USP3: variants seen among roughly 807,000 people sequenced by gnomAD.
USP3 encodes ubiquitin specific peptidase 3.
Under a neutral mutation model 72.3 loss-of-function variants are expected in USP3, and 20 were observed. That is an observed-to-expected ratio of 0.28 (90% CI 0.19 to 0.40). The LOEUF (loss-of-function observed/expected upper bound fraction) is 0.40, where lower values mean the gene tolerates loss of function less well. Ranked by LOEUF, USP3 falls within the 10% of genes least tolerant of loss-of-function variation. The probability of loss-of-function intolerance (pLI) is 1.00; values close to 1 mark genes in which losing one functional copy is unlikely to be tolerated. For missense variants in USP3, 479 were observed against 633.9 expected, an observed-to-expected ratio of 0.76 and a Z score of 2.62; for synonymous variants, 222 against 225.3, an observed-to-expected ratio of 0.99 and a Z score of 0.13.
At chr15:63,513,272 G>T (rs752075599) in intron 1 of USP3, among the ~76,000 whole-genome samples, 3 of 152,206 alleles carry the variant, frequency 2.0e-5, no homozygotes, top group Non-Finnish European at 2.9e-5. Context: ...GAAATTAACT[G>T]TCATATTCCC....
intron 1 of USP3, among the ~76,000 whole-genome samples, chr15:63,526,192 T>G (rs1190673729): frequency 1.3e-5 from 2 of 152,218 alleles, no homozygotes; most frequent in African/African-American, 4.8e-5. Flanking sequence ...TTAAAAAATT[T>G]ATATGCCGGT....
intron 3 of USP3, among the ~76,000 whole-genome samples, chr15:63,540,177 A>G (rs1391495086): frequency 2.0e-5 from 3 of 152,172 alleles, no homozygotes; most frequent in Non-Finnish European, 2.9e-5. Context: ...ACATACTCTG[A>G]GGCTTGCAGT....
chr15:63,557,669 G>A (rs569557980), intron 5 of USP3, among the ~76,000 whole-genome samples: 71 of 152,324 alleles, frequency 4.7e-4, no homozygotes, highest in Admixed American at 1.5e-3. Context: ...TTAGGAAAAC[G>A]TGTATTGGTC....
In USP3 at chr15:63,529,242, A is replaced by C; in HGVS notation, c.92-3405A>C. 2 of 413,006 alleles carry C rather than the reference A, an allele frequency of 4.8e-6. No homozygotes were observed. The highest frequency in any genetic ancestry group is 9.2e-6 in the Non-Finnish European group (2 of 218,168). 25.6% of individuals were successfully genotyped at this position (413,006 alleles called of 1,614,324 possible). ...CACAGTCCATAGTCACTTGTTTCCA[A>C]TGATTTTGGAAGTCAGTACTTTATT... On this transcript the variant is annotated intron_variant, in intron 1 of 14. Coordinates refer to ENST00000380324, the MANE Select transcript of USP3 (RefSeq NM_006537.4). The surrounding 1 kb of genome is among the most constrained non-coding windows in gnomAD (Gnocchi z 4.2).
chr15:63,589,718 CTG>C (rs2067148808), intron 14 of USP3, among the ~76,000 whole-genome samples: 1 of 152,162 alleles, frequency 6.6e-6, no homozygotes, highest in South Asian at 2.1e-4. Context: ...CATTTGTTCT[CTG>C]TACCCCTATT....
intron 1 of USP3, among the ~76,000 whole-genome samples, chr15:63,525,778 A>G (rs186849771): frequency 1.3e-5 from 2 of 152,320 alleles, no homozygotes; most frequent in East Asian, 1.9e-4. Flanking sequence ...CGTCTGGAAT[A>G]TATTTTTACT....
rs531294533 is a variant in USP3 at position 63,559,002 on chromosome 15, CAG to C, written c.533+819_533+820del. 5.3e-5 allele frequency among the ~76,000 whole-genome samples: 8 copies of C among 152,324 alleles called. No individual in the cohort carries two copies. In the East Asian group the frequency reaches 1.5e-3, roughly 29 times the overall value. ...CTACAGTTTGCAGACCCCTGGGTTACAGAGAGCCTTGTTCAGAGAGCTTATTT... is the reference window on the plus strand; with the variant it reads ...CTACAGTTTGCAGACCCCTGGGTTACAGAGCCTTGTTCAGAGAGCTTATTT... On this transcript the variant is annotated intron_variant, in intron 6 of 14. Transcript: ENST00000380324.
Position 63,504,774 on chromosome 15 carries a change from T to C in USP3, c.35T>C (p.Ile12Thr), listed in dbSNP as rs777008562. 3.1e-6 allele frequency: 5 copies of C among 1,611,372 alleles called. No homozygotes were observed. Among genetic ancestry groups the C allele is most frequent in the African/African-American group, 2.7e-5 (2 of 74,668 alleles). The change falls in exon 1 of 15, where the codon ATT becomes ACT. Residue 12 changes from isoleucine (I) to threonine (T), a missense_variant. Coordinates refer to ENST00000380324, the MANE Select transcript of USP3 (RefSeq NM_006537.4). ...ECPHLSSSVC[I>T]APDSAKFPNG... ...CCACACCTGAGCTCCAGCGTCTGCATTGCTCCGGACTCAGCCAAGTTCCCC... is the reference window on the plus strand; with the variant it reads ...CCACACCTGAGCTCCAGCGTCTGCACTGCTCCGGACTCAGCCAAGTTCCCC...
chr15:63,575,165 T>G (rs1187531559), intron 11 of USP3, among the ~76,000 whole-genome samples: 3 of 151,410 alleles, frequency 2.0e-5, no homozygotes, highest in Non-Finnish European at 4.4e-5. Context: ...ATGGTTTTTT[T>G]TTTTTTTTTT....
At chr15:63,577,414 C>T (rs2066880870) in intron 11 of USP3, among the ~76,000 whole-genome samples, 2 of 152,130 alleles carry the variant, frequency 1.3e-5, no homozygotes, top group African/African-American at 4.8e-5. Context: ...ATTGCTTGAC[C>T]CCAGGAGTTT....
intron 9 of USP3, among the ~76,000 whole-genome samples, chr15:63,573,028 A>G (rs1383353954): frequency 6.6e-6 from 1 of 152,184 alleles, no homozygotes; most frequent in African/African-American, 2.4e-5. Flanking sequence ...AAGTGCTATT[A>G]TAAGTGCCTA....
intron 2 of USP3, among the ~76,000 whole-genome samples, chr15:63,536,692 C>CAA (rs200651966): frequency 1.1e-4 from 16 of 143,264 alleles, no homozygotes; most frequent in Non-Finnish European, 2.4e-4. Flanking sequence ...ATTAAAAATA[C>CAA]AAAAAAAAAA....
chr15:63,547,786 G>GGC (rs2066361383), intron 3 of USP3, among the ~76,000 whole-genome samples: 1 of 87,596 alleles, frequency 1.1e-5, no homozygotes, highest in Non-Finnish European at 2.7e-5. Context: ...GAGAGAGAGA[G>GGC]AGAGAGAGAG....
At chr15:63,589,884 AATATTT>A (rs1398459507) in intron 14 of USP3, among the ~76,000 whole-genome samples, 1 of 148,466 alleles carries the variant, frequency 6.7e-6, no homozygotes, top group Non-Finnish European at 1.5e-5. Flanking sequence ...TCCTCCATAA[AATATTT>A]ATATTAAATC....
At position 63,574,305 on chromosome 15, in the gene USP3, CCT is replaced by C. The variant is rs778163460; in HGVS notation, c.1016-10_1016-9del. On this transcript the variant is annotated splice_polypyrimidine_tract_variant and intron_variant, in intron 10 of 14. Transcript: ENST00000380324. This position sits in a 1 kb window ranked among gnomAD's most constrained non-coding sequence, Gnocchi z 4.6. ...TATGCCTTTAACAGCTCTCTGTTTA[CCT>C]CTCTCTCCTTTTAAGACCTTTCATT... 9.6e-6 allele frequency: 15 copies of C among 1,568,314 alleles called. No homozygotes were observed. The highest frequency in any genetic ancestry group is 4.1e-5 in the African/African-American group (3 of 72,504).
rs1157777974 is a variant in USP3 at position 63,588,519 on chromosome 15, G to C, written c.1215+96G>C. The C allele has an allele frequency of 9.5e-7, 1 of 1,050,982 alleles. No individual in the cohort carries two copies. The highest frequency in any genetic ancestry group is 2.2e-5 in the Admixed American group (1 of 44,726). The allele number at this position is 1,050,982 out of a possible 1,614,324, so 65.1% of individuals were successfully genotyped here. On this transcript the variant is annotated intron_variant, in intron 12 of 14. Coordinates refer to ENST00000380324, the MANE Select transcript of USP3 (RefSeq NM_006537.4). The surrounding 1 kb of genome is among the most constrained non-coding windows in gnomAD (Gnocchi z 4.6). ...AACTTTACACTATGTGAACTGTTCT[G>C]TATTTTTCTCTAGGATTTTCAGTAA...
chr15:63,525,471 C>A (rs115906819), intron 1 of USP3, among the ~76,000 whole-genome samples: 3,626 of 152,310 alleles, frequency 0.024, 127 homozygotes, highest in African/African-American at 0.082. Context: ...AGACATCAGA[C>A]ACTGATTTTG....
intron 4 of USP3, among the ~76,000 whole-genome samples, chr15:63,554,572 G>T (rs2066481215): frequency 6.6e-6 from 1 of 152,200 alleles, no homozygotes; most frequent in Admixed American, 6.5e-5. Context: ...TATTTTGGCA[G>T]TTGATGTGTA....
intron 1 of USP3, among the ~76,000 whole-genome samples, chr15:63,520,409 A>G (rs768263567): frequency 8.5e-5 from 13 of 152,184 alleles, no homozygotes; most frequent in African/African-American, 1.2e-4. Flanking sequence ...CTCAAGTTCA[A>G]ATTTGTTTAC....
Sources: allele counts gnomAD v4.1 joint callset (sites outside exome capture counted in the v4.1 genomes callset), GRCh38; gene constraint gnomAD v4.1.1; non-coding constraint Gnocchi (gnomAD v3.1); transcripts MANE v1.5; gene names NCBI Gene and HGNC (gene_info 2026-07-23, HGNC 2026-07-21).